NUP62CL: variants seen among roughly 807,000 people sequenced by gnomAD.
The protein encoded by NUP62CL is nucleoporin-62 C-terminal-like protein.
NUP62CL carries 13 observed loss-of-function variants against 15.3 expected under a neutral mutation model. The ratio of observed to expected loss-of-function variants is 0.85; its 90% CI spans 0.55 to 1.35. The LOEUF (loss-of-function observed/expected upper bound fraction) is 1.35. Among genes scored for constraint, NUP62CL ranks in the 40% most tolerant of loss-of-function variants. The pLI, the probability that NUP62CL is intolerant of heterozygous loss-of-function variation, is 0.00. For missense variants in NUP62CL, 123 were observed against 130.6 expected (o/e 0.94, Z 0.28); for synonymous variants, 54 against 49.2 (o/e 1.10, Z -0.41).
intron 3 of NUP62CL, among the ~76,000 whole-genome samples, chrX:107,169,134 C>T (rs929776304): frequency 4.5e-5 from 5 of 111,344 alleles, no homozygotes; most frequent in African/African-American, 1.6e-4. Flanking sequence ...TGACTCTAGG[C>T]AGATACTGGG....
rs137873026 is a variant in NUP62CL, at chrX:107,150,770, G to A, written c.530+2402C>T. ...TGCCTCGGCCTACCGAAGTGCTGGG[G>A]TTATAGGCATGAGCCACCATACCTG... On this transcript the variant is annotated intron_variant, in intron 7 of 8. Transcript: ENST00000372466. 4.6e-3 allele frequency: 1,435 copies of A among 314,996 alleles called. 6 individuals carry two copies. Among genetic ancestry groups the A allele is most frequent in the Non-Finnish European group, 5.2e-3 (804 of 155,707 alleles). The allele number at this position is 314,996 out of a possible 1,213,427, so 26.0% of individuals were successfully genotyped here.
intron 4 of NUP62CL, among the ~76,000 whole-genome samples, chrX:107,163,711 T>C (rs1299802237): frequency 8.9e-6 from 1 of 111,745 alleles, no homozygotes; most frequent in African/African-American, 3.2e-5. Context: ...AATGGCTATA[T>C]TAATATCAGA....
chrX:107,197,572 C>T (rs1401372203), intron 1 of NUP62CL, among the ~76,000 whole-genome samples: 1 of 109,093 alleles, frequency 9.2e-6, no homozygotes, highest in African/African-American at 3.3e-5. Flanking sequence ...AGCTTACAGT[C>T]TCTCTTGGGT....
chrX:107,179,263 G>GA (rs1273747590), intron 2 of NUP62CL, among the ~76,000 whole-genome samples: 4 of 111,046 alleles, frequency 3.6e-5, no homozygotes, highest in African/African-American at 9.8e-5. Context: ...TCACATCAAA[G>GA]AATACTGTCT....
At chrX:107,127,249 G>A (rs967972097) in intron 8 of NUP62CL, among the ~76,000 whole-genome samples, 1 of 111,247 alleles carries the variant, frequency 9.0e-6, no homozygotes, top group East Asian at 2.8e-4. Context: ...TCCAGAAAAG[G>A]CAAATCTATA....
chrX:107,153,171 C>A lies in NUP62CL; in HGVS notation c.530+1G>T. 1 of 1,198,234 alleles carries A rather than the reference C, an allele frequency of 8.3e-7. No homozygotes were observed. The highest frequency in any genetic ancestry group is 1.1e-6 in the Non-Finnish European group (1 of 890,939). On this transcript the variant is annotated splice_donor_variant, in intron 7 of 8. Coordinates refer to ENST00000372466, the MANE Select transcript of NUP62CL (RefSeq NM_017681.3). LOFTEE classifies it high-confidence loss of function. ...TCTTCAATCTTTTTTCAGTTACTTA[C>A]ATCTCCACATGCTCCTCATCTGCAT...
At chrX:107,154,384 A>G (rs1926123715) in intron 4 of NUP62CL, 138 bp from the exon 5 acceptor site, 2 of 405,798 alleles carry the variant, frequency 4.9e-6, no homozygotes, top group Non-Finnish European at 7.8e-6. Flanking sequence ...CCAAGAAAAC[A>G]AACATAACTG....
chrX:107,164,962 G>A (rs188479661), intron 4 of NUP62CL, among the ~76,000 whole-genome samples: 9 of 112,177 alleles, frequency 8.0e-5, no homozygotes, highest in Non-Finnish European at 9.4e-5. Flanking sequence ...TTAACTGGGC[G>A]TGGTGGCGGG....
Position 107,152,049 on chromosome X carries a change from G to GATAT in NUP62CL, c.530+1119_530+1122dup, listed in dbSNP as rs778670339. On this transcript the variant is annotated intron_variant, in intron 7 of 8. Transcript: ENST00000372466. ...CATCTTGAATATATATATATATTCA[G>GATAT]ATATATATATATATATATATATATA... 7.8e-3 allele frequency among the ~76,000 whole-genome samples: 319 copies of GATAT among 41,112 alleles called. 12 individuals carry two copies. Among genetic ancestry groups the GATAT allele is most frequent in the East Asian group, 0.024 (28 of 1,151 alleles). 35.7% of individuals were successfully genotyped at this position (41,112 alleles called of 115,157 possible).
chrX:107,177,903 G>A (rs1244923873), intron 2 of NUP62CL, among the ~76,000 whole-genome samples: 1 of 111,256 alleles, frequency 9.0e-6, no homozygotes, highest in African/African-American at 3.3e-5. Flanking sequence ...ACATATATGT[G>A]AATATTCATA....
chrX:107,138,962 C>T (rs991720828), intron 8 of NUP62CL, among the ~76,000 whole-genome samples: 5 of 112,024 alleles, frequency 4.5e-5, no homozygotes, highest in African/African-American at 1.6e-4. Context: ...TGGAATATTA[C>T]TCAGCAATAG....
chrX:107,133,310 A>C (rs187155808), intron 8 of NUP62CL, among the ~76,000 whole-genome samples: 18 of 110,100 alleles, frequency 1.6e-4, no homozygotes, highest in African/African-American at 5.6e-4. Flanking sequence ...CCACGTGGAT[A>C]ATCTCCCTAT....
intron 1 of NUP62CL, among the ~76,000 whole-genome samples, chrX:107,193,570 T>A (rs1212532186): frequency 9.0e-6 from 1 of 111,666 alleles, no homozygotes; most frequent in Non-Finnish European, 1.9e-5. Context: ...ATGTAGAAAC[T>A]TCAAGATAAG....
intron 2 of NUP62CL, among the ~76,000 whole-genome samples, chrX:107,186,687 C>T (rs1032603540): frequency 9.0e-6 from 1 of 111,459 alleles, no homozygotes; most frequent in Admixed American, 9.5e-5. Flanking sequence ...CACTTGAGGT[C>T]AGGAGTTCGA....
At chrX:107,197,133 C>T (rs1723207622) in intron 1 of NUP62CL, among the ~76,000 whole-genome samples, 1 of 111,679 alleles carries the variant, frequency 9.0e-6, no homozygotes, top group Admixed American at 9.6e-5. Flanking sequence ...TTGCCAGGCT[C>T]TATATATCTT....
chrX:107,154,220 T>C lies in NUP62CL; in HGVS notation c.221A>G (p.Tyr74Cys), dbSNP rs146252692. Residue 74 changes from tyrosine to cysteine, a missense_variant, in exon 5 of 9, where the codon TAT (tyrosine) becomes TGT (cysteine). Physicochemically the swap from Tyr to Cys is radical, Grantham distance 194. Coordinates refer to ENST00000372466, the MANE Select transcript of NUP62CL (RefSeq NM_017681.3). The stretch of plus-strand genomic sequence containing the variant: ...ATTTATAAGACCCTCCAGATGACCA[T>C]ATGTCATCACAGGAGTTGCTACTAC... ...VSVVATPVMT[Y>C]GHLEGLINEW... 1.2e-4 allele frequency: 144 copies of C among 1,199,217 alleles called. 1 individual carries two copies. The African/African-American group carries it at 2.3e-3, about 20-fold the overall frequency.
intron 2 of NUP62CL, among the ~76,000 whole-genome samples, chrX:107,189,881 GA>G (rs1488394685): frequency 5.4e-5 from 2 of 36,759 alleles, no homozygotes; most frequent in Non-Finnish European, 5.4e-5. Context: ...AGAAAGAAAA[GA>G]AAGAAAGAAA....
intron 2 of NUP62CL, among the ~76,000 whole-genome samples, chrX:107,180,801 C>T (rs927993925): frequency 1.8e-5 from 2 of 110,406 alleles, no homozygotes; most frequent in Non-Finnish European, 3.8e-5. Flanking sequence ...ATTTTTGAAT[C>T]ATTTGACTAT....
chrX:107,160,776 C>A (rs10436740), intron 4 of NUP62CL, among the ~76,000 whole-genome samples: 1 of 111,199 alleles, frequency 9.0e-6, no homozygotes, highest in Non-Finnish European at 1.9e-5. Flanking sequence ...CCAAAATTGA[C>A]AAATGGGATC....
Sources: allele counts gnomAD v4.1 joint callset (sites outside exome capture counted in the v4.1 genomes callset), GRCh38; gene constraint gnomAD v4.1.1; transcripts MANE v1.5; gene names NCBI Gene and HGNC (gene_info 2026-07-23, HGNC 2026-07-21).